Variants in CNTN5 observed in about 807,000 individuals in gnomAD.
CNTN5 encodes contactin-5.
Under a neutral mutation model 129.1 loss-of-function variants are expected in CNTN5, and 77 were observed. The observed-to-expected ratio is 0.60, with a 90% CI of 0.50 to 0.72. The LOEUF (loss-of-function observed/expected upper bound fraction) is 0.72, where lower values mean the gene tolerates loss of function less well. Among genes scored for constraint, CNTN5 ranks in the 30% least tolerant of loss-of-function variants. The probability of loss-of-function intolerance (pLI) is 0.00; values close to 1 mark genes in which losing one functional copy is unlikely to be tolerated. For missense variants in CNTN5, 1,478 were observed against 1,328.8 expected (o/e 1.11, Z -1.75); for synonymous variants, 509 against 465.6 (o/e 1.09, Z -1.20).
chr11:99,135,288 C>T (rs1367479336), intron 1 of CNTN5, among the ~76,000 whole-genome samples: 1 of 152,104 alleles, frequency 6.6e-6, no homozygotes, highest in East Asian at 1.9e-4. Context: ...AATACATCCT[C>T]TGCAGTAAAT....
chr11:99,754,525 G>T (rs1439196703), intron 3 of CNTN5, among the ~76,000 whole-genome samples: 1 of 152,198 alleles, frequency 6.6e-6, no homozygotes, highest in Non-Finnish European at 1.5e-5. Flanking sequence ...TTCTTAAACA[G>T]AGACAATTAC....
At chr11:99,390,131 C>CTTTTTT (rs11396242) in intron 2 of CNTN5, among the ~76,000 whole-genome samples, 1 of 149,120 alleles carries the variant, frequency 6.7e-6, no homozygotes. Flanking sequence ...TAAAATAAGC[C>CTTTTTT]TTTTTTTTTT....
intron 6 of CNTN5, among the ~76,000 whole-genome samples, chr11:99,860,421 G>A (rs1291297654): frequency 1.3e-5 from 2 of 151,970 alleles, no homozygotes; most frequent in Non-Finnish European, 2.9e-5. Flanking sequence ...TTTTCTTTTA[G>A]GATTCTTATA....
chr11:99,044,992 T>C (rs367786784), intron 1 of CNTN5, among the ~76,000 whole-genome samples: 3 of 152,280 alleles, frequency 2.0e-5, no homozygotes, highest in African/African-American at 7.2e-5. Flanking sequence ...ATGATAATAC[T>C]ACTTATTGCA....
intron 1 of CNTN5, among the ~76,000 whole-genome samples, chr11:99,307,451 A>C (rs1864926392): frequency 6.6e-6 from 1 of 152,196 alleles, no homozygotes; most frequent in Admixed American, 6.5e-5. Flanking sequence ...TCTATTCAAA[A>C]AATGCATATT....
At chr11:99,132,955 C>T (rs571996766) in intron 1 of CNTN5, among the ~76,000 whole-genome samples, 3 of 152,014 alleles carry the variant, frequency 2.0e-5, no homozygotes. Context: ...CAGGACAGTC[C>T]TAAGCAAAAA....
chr11:100,080,346 A>G (rs980919085), intron 13 of CNTN5, among the ~76,000 whole-genome samples: 1 of 152,126 alleles, frequency 6.6e-6, no homozygotes, highest in African/African-American at 2.4e-5. Flanking sequence ...CTTGTCCAAA[A>G]TCTGACATAA....
In CNTN5 at chr11:99,110,857, A is replaced by T. The variant is rs187410034; in HGVS notation, c.-210+89587A>T. Among the ~76,000 whole-genome samples the T allele has an allele frequency of 2.1e-3, 326 of 152,274 alleles. 1 individual carries two copies. Among genetic ancestry groups the T allele is most frequent in the African/African-American group, 7.5e-3 (312 of 41,572 alleles). ...TATGATGTGAAACAGAGTACCCAGAAGAACTGTGATAGAAATAGATCCATC... is the reference window on the plus strand; with the variant it reads ...TATGATGTGAAACAGAGTACCCAGATGAACTGTGATAGAAATAGATCCATC... On this transcript the variant is annotated intron_variant, in intron 1 of 24. Coordinates refer to ENST00000524871, the MANE Select transcript of CNTN5 (RefSeq NM_014361.4).
At chr11:100,028,514 T>A (rs183249417) in intron 9 of CNTN5, among the ~76,000 whole-genome samples, 62 of 152,318 alleles carry the variant, frequency 4.1e-4, no homozygotes, top group Non-Finnish European at 6.9e-4. Context: ...TCTAGAGTAT[T>A]TGGGGAGCAT....
intron 8 of CNTN5, among the ~76,000 whole-genome samples, chr11:99,976,854 T>C (rs1938009128): frequency 6.6e-6 from 1 of 152,240 alleles, no homozygotes; most frequent in South Asian, 2.1e-4. Flanking sequence ...CTTAAGCAAA[T>C]TTCTGCAGCT....
At chr11:99,578,847 G>C (rs893951149) in intron 3 of CNTN5, among the ~76,000 whole-genome samples, 83 of 152,102 alleles carry the variant, frequency 5.5e-4, no homozygotes, top group Non-Finnish European at 3.4e-4. Context: ...GATCCCATTT[G>C]TCAATTTTGG....
intron 3 of CNTN5, among the ~76,000 whole-genome samples, chr11:99,803,506 G>T (rs531317288): frequency 1.2e-4 from 19 of 152,210 alleles, no homozygotes; most frequent in Non-Finnish European, 2.1e-4. Context: ...TACTGACTTT[G>T]TATGTGCCCA....
chr11:99,367,953 C>A (rs1039010506), intron 2 of CNTN5, among the ~76,000 whole-genome samples: 1 of 152,058 alleles, frequency 6.6e-6, no homozygotes, highest in Non-Finnish European at 1.5e-5. Context: ...AAGGCTATCC[C>A]AATTCCTGAA....
chr11:99,986,992 T>C (rs1938723050), intron 8 of CNTN5, among the ~76,000 whole-genome samples: 1 of 152,168 alleles, frequency 6.6e-6, no homozygotes, highest in African/African-American at 2.4e-5. Context: ...ATGTGTTTTA[T>C]TTTTTAAAAT....
At chr11:99,151,849 A>G (rs1037897667) in intron 1 of CNTN5, among the ~76,000 whole-genome samples, 3 of 152,022 alleles carry the variant, frequency 2.0e-5, no homozygotes, top group Non-Finnish European at 2.9e-5. Flanking sequence ...TGGGAGGGGG[A>G]CATCACACAC....
intron 15 of CNTN5, among the ~76,000 whole-genome samples, chr11:100,196,456 C>A (rs572405546): frequency 4.6e-5 from 7 of 151,996 alleles, no homozygotes; most frequent in Admixed American, 4.6e-4. Context: ...TTTTATGTAG[C>A]CTTCATATAC....
intron 2 of CNTN5, among the ~76,000 whole-genome samples, chr11:99,392,769 A>G (rs1413445850): frequency 6.6e-6 from 1 of 151,898 alleles, no homozygotes; most frequent in African/African-American, 2.4e-5. Context: ...AATTGTTCAC[A>G]TTTTTCATTT....
intron 3 of CNTN5, among the ~76,000 whole-genome samples, chr11:99,764,465 G>T (rs1944687062): frequency 6.6e-6 from 1 of 152,010 alleles, no homozygotes; most frequent in Non-Finnish European, 1.5e-5. Flanking sequence ...GTCCAGGCTG[G>T]AGTACAATGG....
chr11:100,245,390 A>C (rs1949820949), intron 16 of CNTN5, among the ~76,000 whole-genome samples: 1 of 152,032 alleles, frequency 6.6e-6, no homozygotes, highest in African/African-American at 2.4e-5. Flanking sequence ...TCTCTGTCAC[A>C]AGAAGATTGC....
Sources: allele counts gnomAD v4.1 joint callset (sites outside exome capture counted in the v4.1 genomes callset), GRCh38; gene constraint gnomAD v4.1.1; transcripts MANE v1.5; gene names NCBI Gene and HGNC (gene_info 2026-07-23, HGNC 2026-07-21).